Variants in CWC25 observed in about 807,000 individuals in gnomAD.
The protein encoded by CWC25 is CWC25 spliceosome associated protein.
CWC25 carries 31 observed loss-of-function variants against 54.6 expected under a neutral mutation model. The ratio of observed to expected loss-of-function variants is 0.57; its 90% CI spans 0.43 to 0.77. The LOEUF (loss-of-function observed/expected upper bound fraction) is 0.77, where lower values mean the gene tolerates loss of function less well. Ranked by LOEUF, CWC25 falls within the 30% of genes least tolerant of loss-of-function variation. The pLI is 0.00. For missense variants in CWC25, 453 were observed against 529.3 expected, an observed-to-expected ratio of 0.86 and a Z score of 1.41; for synonymous variants, 151 against 187.0, an observed-to-expected ratio of 0.81 and a Z score of 1.57.
At chr17:38,805,584 G>T (rs1209601464) in intron 8 of CWC25, among the ~76,000 whole-genome samples, 1 of 152,164 alleles carries the variant, frequency 6.6e-6, no homozygotes, top group Admixed American at 6.6e-5. Flanking sequence ...AAACTGCTGG[G>T]ATTACAGGTA....
rs1911066146 is a variant in CWC25 at position 38,802,517 on chromosome 17, C to G, written c.1163+183G>C. Among the ~76,000 whole-genome samples the G allele has an allele frequency of 2.6e-5, 4 of 152,218 alleles. No homozygotes were observed. The South Asian group carries it at 8.3e-4, about 31-fold the overall frequency. On this transcript the variant is annotated intron_variant, in intron 9 of 9. Transcript: ENST00000614790. ...AATGATTTAGAAAATACCAAATTCA[C>G]TTCTCCTCCCCTCAAATGAAAAACA...
chr17:38,814,670 C>T (rs1281059704), intron 3 of CWC25, among the ~76,000 whole-genome samples, 191 bp downstream of exon 3: 6 of 142,910 alleles, frequency 4.2e-5, no homozygotes, highest in African/African-American at 8.0e-5. Flanking sequence ...GGCGTGAACC[C>T]GGCAGACAGA....
intron 4 of CWC25, 126 bp from the exon 5 acceptor site, chr17:38,810,721 G>C: frequency 1.5e-6 from 1 of 668,446 alleles, no homozygotes; most frequent in South Asian, 1.6e-5. Flanking sequence ...TCCGGAGTTC[G>C]AGACCAGCCT....
intron 7 of CWC25, 98 bp downstream of exon 7, chr17:38,806,667 A>T (rs1911253616): frequency 3.7e-6 from 4 of 1,094,698 alleles, no homozygotes; most frequent in Non-Finnish European, 2.6e-6. Flanking sequence ...GACATTTGGG[A>T]AAGTCAATGG....
intron 8 of CWC25, among the ~76,000 whole-genome samples, chr17:38,804,377 A>G (rs769264615): frequency 6.6e-6 from 1 of 152,138 alleles, no homozygotes; most frequent in Non-Finnish European, 1.5e-5. Context: ...GTAAGAAAAT[A>G]TCTAAGATCT....
intron 1 of CWC25, among the ~76,000 whole-genome samples, chr17:38,824,575 A>C (rs996444897): frequency 1.3e-5 from 2 of 152,004 alleles, no homozygotes; most frequent in East Asian, 3.9e-4. Context: ...AATCCCAGCT[A>C]CTCGGGAGGC....
At chr17:38,820,445 AC>A (rs1211483348) in intron 2 of CWC25, among the ~76,000 whole-genome samples, 2 of 152,032 alleles carry the variant, frequency 1.3e-5, no homozygotes, top group Non-Finnish European at 2.9e-5. Context: ...GCTTTTATTG[AC>A]AAGCATACCA....
chr17:38,814,667 A>G (rs143188108), intron 3 of CWC25, among the ~76,000 whole-genome samples, 194 bp downstream of exon 3: 7,495 of 142,532 alleles, frequency 0.053, 660 homozygotes, highest in African/African-American at 0.19. Flanking sequence ...GATGGCGTGA[A>G]CCCGGCAGAC....
Position 38,823,688 on chromosome 17 carries a change from G to A in CWC25, c.18+1478C>T, listed in dbSNP as rs368981413. 5.9e-5 allele frequency among the ~76,000 whole-genome samples: 9 copies of A among 152,002 alleles called. No homozygotes were observed. In the South Asian group the frequency reaches 8.3e-4, roughly 14 times the overall value. On this transcript the variant is annotated intron_variant, in intron 1 of 9. Transcript: ENST00000614790. ...AGTCCGTCAGTTGGTCTGACCATCC[G>A]TCCATCCTTCCGTCCTTCCTCCCTC...
At chr17:38,813,078 C>T (rs1428086833) in intron 3 of CWC25, among the ~76,000 whole-genome samples, 1 of 151,596 alleles carries the variant, frequency 6.6e-6, no homozygotes, top group East Asian at 1.9e-4. Context: ...ACCTGGGAGG[C>T]GGAGATTGCA....
intron 7 of CWC25, 83 bp from the exon 8 acceptor site, chr17:38,806,478 A>G: frequency 8.5e-7 from 1 of 1,173,220 alleles, no homozygotes. Flanking sequence ...ATGCAAGATG[A>G]GCTAATGGTC....
At chr17:38,810,167 G>A in intron 5 of CWC25, 1 of 441,930 alleles carries the variant, frequency 2.3e-6, no homozygotes. Flanking sequence ...CCTAAGCTGA[G>A]ATGAAACAGA....
intron 9 of CWC25, 27 bp downstream of exon 9, chr17:38,802,673 A>G: frequency 6.2e-7 from 1 of 1,612,592 alleles, no homozygotes; most frequent in Non-Finnish European, 8.5e-7. Flanking sequence ...CCCATGAAAG[A>G]CCCTGGCAGG....
chr17:38,809,642 G>GTCCAA (rs1185281490), intron 6 of CWC25, 60 bp downstream of exon 6: 11 of 1,531,928 alleles, frequency 7.2e-6, no homozygotes, highest in Admixed American at 1.7e-5. Context: ...TATCCACATT[G>GTCCAA]TCCAAGTGGC....
intron 1 of CWC25, 116 bp from the exon 2 acceptor site, chr17:38,821,189 T>A: frequency 1.1e-6 from 1 of 924,486 alleles, no homozygotes; most frequent in Non-Finnish European, 1.6e-6. Context: ...GGGCAAGATG[T>A]CTTCAACAAT....
chr17:38,801,468 G>GT lies in CWC25; in HGVS notation c.*623dup, dbSNP rs1349899561. On this transcript the variant is annotated 3_prime_UTR_variant, in exon 10 of 10. Transcript: ENST00000614790. ...CCAGTAAAGTCATTGACCAAACAAG[G>GT]TATTTTCACAAAGCTAACCTTTTTT... 1 of 152,098 alleles carries GT rather than the reference G, an allele frequency of 6.6e-6. No homozygotes were observed. The allele number at this position is 152,098 out of a possible 1,614,324, so 9.4% of individuals were successfully genotyped here.
chr17:38,808,055 CAAA>C (rs61226105), intron 6 of CWC25, among the ~76,000 whole-genome samples: 4 of 52,748 alleles, frequency 7.6e-5, no homozygotes, highest in African/African-American at 1.2e-4. Flanking sequence ...GACTCCATCT[CAAA>C]AAAAAAAAAA....
rs565349377 is a variant in CWC25, at chr17:38,814,724, C to T, written c.428+137G>A. 7.0e-4 allele frequency: 472 copies of T among 673,136 alleles called. 1 individual carries two copies. Among genetic ancestry groups the T allele is most frequent in the Middle Eastern group, 5.1e-3 (12 of 2,348 alleles). The allele number at this position is 673,136 out of a possible 1,614,324, so 41.7% of individuals were successfully genotyped here. On this transcript the variant is annotated intron_variant, in intron 3 of 9. Transcript: ENST00000614790. ...TCGCGCCACTGCACTTCAGCCTGGG[C>T]GACAGAGCGAGACTCCGTCTCAAAA...
chr17:38,802,348 G>A (rs576338315), intron 9 of CWC25, 142 bp from the exon 10 acceptor site: 6 of 608,664 alleles, frequency 9.9e-6, no homozygotes, highest in Admixed American at 3.0e-5. Context: ...GATAACTTTC[G>A]AGTGACTCCA....
Sources: gnomAD v4.1 joint callset for allele counts (sites outside exome capture counted in the v4.1 genomes callset) on GRCh38, gnomAD v4.1.1 for gene constraint, MANE v1.5 for transcripts, NCBI Gene and HGNC (gene_info 2026-07-23, HGNC 2026-07-21) for gene names.